Variants in EFL1 observed in about 807,000 individuals in gnomAD.
EFL1 encodes elongation factor like GTPase 1, also known as elongation factor-like GTPase 1.
Under a neutral mutation model 126.7 loss-of-function variants are expected in EFL1, and 76 were observed. That is an observed-to-expected ratio of 0.60 (90% confidence interval 0.50 to 0.73). EFL1 has a LOEUF of 0.73. Among genes scored for constraint, EFL1 ranks in the 30% least tolerant of loss-of-function variants. The pLI, the probability that EFL1 is intolerant of heterozygous loss-of-function variation, is 0.00. For missense variants in EFL1, 1,128 were observed against 1,343.2 expected, an observed-to-expected ratio of 0.84 and a Z score of 2.50; for synonymous variants, 410 against 448.4, an observed-to-expected ratio of 0.91 and a Z score of 1.08.
chr15:82,138,211 G>T (rs1231108367), intron 19 of EFL1, among the ~76,000 whole-genome samples: 1 of 152,042 alleles, frequency 6.6e-6, no homozygotes, highest in Non-Finnish European at 1.5e-5. Flanking sequence ...ATAATTTAAA[G>T]CTACCCCTTG....
At chr15:82,190,951 T>C (rs1028751599) in intron 15 of EFL1, among the ~76,000 whole-genome samples, 2 of 152,098 alleles carry the variant, frequency 1.3e-5, no homozygotes, top group African/African-American at 4.8e-5. Flanking sequence ...ATATATATAC[T>C]GTGCAGGTAT....
At chr15:82,220,547 G>C (rs1375360948) in intron 12 of EFL1, among the ~76,000 whole-genome samples, 5 of 152,194 alleles carry the variant, frequency 3.3e-5, no homozygotes, top group Non-Finnish European at 7.3e-5. Context: ...AGAAGGAAGG[G>C]AAACAGTGAC....
intron 14 of EFL1, among the ~76,000 whole-genome samples, chr15:82,217,589 A>C (rs757977658): frequency 2.6e-5 from 4 of 152,002 alleles, no homozygotes; most frequent in Non-Finnish European, 5.9e-5. Flanking sequence ...ACAAAGTTTC[A>C]AAAGCATGCA....
chr15:82,145,149 T>C (rs1468091137), intron 18 of EFL1, among the ~76,000 whole-genome samples: 1 of 149,082 alleles, frequency 6.7e-6, no homozygotes, highest in African/African-American at 2.5e-5. Flanking sequence ...ACTAAAAATA[T>C]AAAATTAGCC....
At chr15:82,219,910 T>G in intron 13 of EFL1, 92 bp from the exon 14 acceptor site, 1 of 1,495,630 alleles carries the variant, frequency 6.7e-7, no homozygotes. Flanking sequence ...TATGATATCT[T>G]TCGTCAAGTT....
chr15:82,235,007 G>C (rs2074858340), intron 7 of EFL1, among the ~76,000 whole-genome samples: 3 of 152,064 alleles, frequency 2.0e-5, no homozygotes, highest in Admixed American at 1.3e-4. Flanking sequence ...TGTTAACATG[G>C]CCTCAGCATG....
intron 14 of EFL1, chr15:82,215,494 C>T (rs1371182650): frequency 6.6e-6 from 1 of 152,050 alleles, no homozygotes. Flanking sequence ...GATTTATTAG[C>T]TCCCCATACA....
chr15:82,182,171 C>T (rs144771131), intron 15 of EFL1, among the ~76,000 whole-genome samples: 1 of 152,292 alleles, frequency 6.6e-6, no homozygotes, highest in African/African-American at 2.4e-5. Context: ...GCACAAGAAT[C>T]GCTTGAACCC....
intron 5 of EFL1, 83 bp downstream of exon 5, chr15:82,241,187 T>C (rs1200182061): frequency 1.3e-6 from 2 of 1,497,576 alleles, no homozygotes; most frequent in East Asian, 2.3e-5. Context: ...GTTGTGATTG[T>C]CAGTGAAATG....
At chr15:82,135,884 T>C (rs117879105) in intron 19 of EFL1, among the ~76,000 whole-genome samples, 2,315 of 152,280 alleles carry the variant, frequency 0.015, 25 homozygotes, top group Middle Eastern at 0.024. Context: ...GGACAATCAG[T>C]GGGAGCTAAG....
chr15:82,194,547 T>C (rs2074390255), intron 15 of EFL1, among the ~76,000 whole-genome samples: 1 of 152,142 alleles, frequency 6.6e-6, no homozygotes, highest in African/African-American at 2.4e-5. Flanking sequence ...TAGTCAAAAA[T>C]GCACTTACAG....
At chr15:82,260,623 A>C (rs1278081555) in intron 2 of EFL1, among the ~76,000 whole-genome samples, 1 of 152,214 alleles carries the variant, frequency 6.6e-6, no homozygotes, top group Non-Finnish European at 1.5e-5. Flanking sequence ...TATCACATTT[A>C]ATCCTATAGC....
chr15:82,154,727 C>A (rs890199724), intron 17 of EFL1, among the ~76,000 whole-genome samples: 1 of 151,986 alleles, frequency 6.6e-6, no homozygotes, highest in Non-Finnish European at 1.5e-5. Flanking sequence ...AACCATGTAA[C>A]CCCTTATACT....
chr15:82,203,789 C>T (rs567973054), intron 15 of EFL1, among the ~76,000 whole-genome samples: 14 of 152,294 alleles, frequency 9.2e-5, no homozygotes, highest in African/African-American at 3.1e-4. Context: ...TTCATCTTCA[C>T]GAATGTATAA....
chr15:82,208,277 T>C (rs2074546619), intron 15 of EFL1, among the ~76,000 whole-genome samples: 1 of 152,198 alleles, frequency 6.6e-6, no homozygotes, highest in Non-Finnish European at 1.5e-5. Flanking sequence ...TTTCAAAACT[T>C]TTGAAGAAAA....
At chr15:82,234,735 T>C (rs1331899178) in intron 7 of EFL1, among the ~76,000 whole-genome samples, 1 of 152,156 alleles carries the variant, frequency 6.6e-6, no homozygotes, top group Non-Finnish European at 1.5e-5. Flanking sequence ...GTCATACTGA[T>C]ATAAATTTCA....
In EFL1 at chr15:82,152,115, G is replaced by A; in HGVS notation, c.2339C>T (p.Thr780Ile). The stretch of plus-strand genomic sequence containing the variant: ...ATTTTCACCCTCATTCAAAGAGGAT[G>A]TCAACTGCTCCATAGAACGAATCAA... ...SDLIRSMEQLTSSLNEGENTH... is the reference protein window; with the variant it reads ...SDLIRSMEQLISSLNEGENTH... Residue 780 changes from threonine (T) to isoleucine (I), a missense_variant, in exon 18 of 20, where the codon ACA (threonine) becomes ATA (isoleucine). Thr to Ile is a moderately conservative substitution (Grantham distance 89, BLOSUM62 -1). Around this residue, in one of 6 missense-constraint regions of EFL1, gnomAD observed 561 missense variants for 641.7 expected, o/e 0.87. Coordinates refer to ENST00000268206, the MANE Select transcript of EFL1 (RefSeq NM_024580.6). The A allele has an allele frequency of 6.2e-7, 1 of 1,614,150 alleles. No homozygotes were observed. Among genetic ancestry groups the A allele is most frequent in the South Asian group, 1.1e-5 (1 of 91,082 alleles).
At chr15:82,211,542 ATC>A (rs1328820960) in intron 15 of EFL1, among the ~76,000 whole-genome samples, 1 of 94,284 alleles carries the variant, frequency 1.1e-5, no homozygotes, top group African/African-American at 4.9e-5. Context: ...AAAAAAAAAA[ATC>A]TATATACACA....
At position 82,259,112 on chromosome 15, in the gene EFL1, G is replaced by T. The variant is rs770795555; in HGVS notation, c.135C>A (p.Ile45=). ...CCTTGCCTGCTAGGCGGCTGGAGATGATTCCATTGCTAGATATAAGACAGT... is the reference window on the plus strand; with the variant it reads ...CCTTGCCTGCTAGGCGGCTGGAGATTATTCCATTGCTAGATATAAGACAGT... ...LADCLISSNG[I]ISSRLAGKLR... Residue 45 remains isoleucine, a synonymous_variant, in exon 3 of 20, where the codon ATC becomes ATA. Coordinates refer to ENST00000268206, the MANE Select transcript of EFL1 (RefSeq NM_024580.6). 5.0e-5 allele frequency: 80 copies of T among 1,613,906 alleles called. No individual in the cohort carries two copies. The highest frequency in any genetic ancestry group is 6.7e-5 in the Non-Finnish European group (79 of 1,179,986).
Sources: allele counts gnomAD v4.1 joint callset (sites outside exome capture counted in the v4.1 genomes callset), GRCh38; gene constraint gnomAD v4.1.1; regional missense constraint gnomAD v4.1.1; transcripts MANE v1.5; gene names NCBI Gene and HGNC (gene_info 2026-07-23, HGNC 2026-07-21).